The following IGSF9B variants were observed in gnomAD, a reference collection of about 807,000 sequenced individuals.
IGSF9B encodes immunoglobulin superfamily member 9B.
IGSF9B carries 48 observed loss-of-function variants against 143.7 expected under a neutral mutation model. That is an observed-to-expected ratio of 0.33 (90% CI 0.26 to 0.42). IGSF9B has a LOEUF of 0.42. Ranked by LOEUF, IGSF9B falls within the 20% of genes least tolerant of loss-of-function variation. IGSF9B has a pLI of 1.00. For synonymous variants in IGSF9B, 903 were observed against 833.1 expected (o/e 1.08, Z -1.44); for missense variants, 1,706 against 1,980.0 (o/e 0.86, Z 2.63).
At position 133,928,459 on chromosome 11, in the gene IGSF9B, G is replaced by A. The variant is rs1319460642; in HGVS notation, c.1631+1212C>T. Among the ~76,000 whole-genome samples, 3 of 152,156 alleles carry A rather than the reference G, an allele frequency of 2.0e-5. No individual in the cohort carries two copies. In the East Asian group the frequency reaches 5.8e-4, roughly 29 times the overall value. The stretch of plus-strand genomic sequence containing the variant: ...GCGGGTGCCCCTCTCAACTTCCCTC[G>A]CTGCTGAGAAGTGGATAAAGGGGTC... On this transcript the variant is annotated intron_variant, in intron 12 of 19. Transcript: ENST00000533871. The surrounding 1 kb of genome is among the most constrained non-coding windows in gnomAD (Gnocchi z 4.7).
chr11:133,931,224 C>G lies in IGSF9B; in HGVS notation c.1369-90G>C. The G allele has an allele frequency of 7.5e-7, 1 of 1,331,692 alleles. No individual in the cohort carries two copies. Among genetic ancestry groups the G allele is most frequent in the Non-Finnish European group, 1.0e-6 (1 of 957,808 alleles). The allele number at this position is 1,331,692 out of a possible 1,614,324, so 82.5% of individuals were successfully genotyped here. ...GCAGATGGGGAGGACGCGCCTGAGA[C>G]CCCGGCCCGCCCACGCTGCCCTCCT... On this transcript the variant is annotated intron_variant, in intron 10 of 19. Transcript: ENST00000533871. This position sits in a 1 kb window ranked among gnomAD's most constrained non-coding sequence, Gnocchi z 7.7.
At chr11:133,927,222 A>G (rs1939644222) in intron 12 of IGSF9B, 131 bp from the exon 13 acceptor site, 1 of 734,450 alleles carries the variant, frequency 1.4e-6, no homozygotes, top group African/African-American at 1.8e-5. Context: ...AAGGGCAAGA[A>G]GAGGGCATGG....
At chr11:133,951,506 G>A (rs936914990) in intron 1 of IGSF9B, among the ~76,000 whole-genome samples, 18 of 152,256 alleles carry the variant, frequency 1.2e-4, no homozygotes, top group Non-Finnish European at 1.9e-4. Context: ...GAGCCTTCTC[G>A]GCTGGGCTCC....
At chr11:133,915,886 C>G (rs976897374) in intron 18 of IGSF9B, among the ~76,000 whole-genome samples, 11 of 152,180 alleles carry the variant, frequency 7.2e-5, no homozygotes, top group Non-Finnish European at 1.5e-4. Context: ...CACTCATAGA[C>G]GGGCCATAGC....
intron 18 of IGSF9B, among the ~76,000 whole-genome samples, chr11:133,917,013 G>A (rs990576051): frequency 1.6e-4 from 25 of 152,184 alleles, no homozygotes; most frequent in African/African-American, 5.3e-4. Context: ...GTAAAGAAAT[G>A]TCAGGGCAGT....
rs1467204761 is a variant in IGSF9B, at chr11:133,920,106, T to C, written c.3619A>G (p.Ser1207Gly). ...GAGCCGGTGCGGGAGCTGAGGGGGC[T>C]TTGGGTCAGAGGTGAGAGCCGGGAG... ...QPSRLSPLTQSPLSSRTGSPE... is the reference protein window; with the variant it reads ...QPSRLSPLTQGPLSSRTGSPE... Residue 1207 changes from serine to glycine, a missense_variant, in exon 18 of 20, where the codon AGC becomes GGC. By Grantham distance (56) the Ser-to-Gly change is moderately conservative. Coordinates refer to ENST00000533871, the MANE Select transcript of IGSF9B (RefSeq NM_001277285.4). 2 of 1,518,702 alleles carry C rather than the reference T, an allele frequency of 1.3e-6. No homozygotes were observed. The highest frequency in any genetic ancestry group is 1.3e-5 in the South Asian group (1 of 76,072). The allele number at this position is 1,518,702 out of a possible 1,614,324, so 94.1% of individuals were successfully genotyped here.
At position 133,946,145 on chromosome 11, in the gene IGSF9B, C is replaced by T. The variant is rs774253587; in HGVS notation, c.178G>A (p.Val60Ile). Residue 60 changes from valine (V) to isoleucine (I), a missense_variant, in exon 2 of 20, where the codon GTA becomes ATA. This residue lies in a region of IGSF9B where 171 missense variants were observed against 213.9 expected (regional missense o/e 0.80). Coordinates refer to ENST00000533871, the MANE Select transcript of IGSF9B (RefSeq NM_001277285.4). ...GGGACCCCGAACTTGAACCACTCTA[C>T]GACATAGGGTGGGGGCTGTCCCGTC... The part of the protein sequence containing the change: ...PVTGQPPPYV[V>I]EWFKFGVPIP... 33 of 1,612,356 alleles carry T rather than the reference C, an allele frequency of 2.0e-5. No individual in the cohort carries two copies. The highest frequency in any genetic ancestry group is 3.3e-4 in the Middle Eastern group (2 of 6,080).
rs1939154497 is a variant in IGSF9B, at chr11:133,902,537, ATAC to A, written c.*6529_*6531del. Among the ~76,000 whole-genome samples the A allele has an allele frequency of 8.3e-6, 1 of 120,254 alleles. No individual in the cohort carries two copies. The allele number at this position is 120,254 out of a possible 152,430, so 78.9% of individuals were successfully genotyped here. ...ACACAGACATGCACACCACACACAT[ATAC>A]CACACACACCACATACACACACACA... On this transcript the variant is annotated 3_prime_UTR_variant, in exon 20 of 20. Coordinates refer to ENST00000533871, the MANE Select transcript of IGSF9B (RefSeq NM_001277285.4).
chr11:133,940,723 C>G (rs996321537), intron 3 of IGSF9B, among the ~76,000 whole-genome samples: 2 of 150,734 alleles, frequency 1.3e-5, no homozygotes, highest in African/African-American at 2.4e-5. Flanking sequence ...TCCTCGCACG[C>G]GTCATCACAT....
At chr11:133,954,313 C>A (rs1940212819) in intron 1 of IGSF9B, among the ~76,000 whole-genome samples, 5 of 152,212 alleles carry the variant, frequency 3.3e-5, no homozygotes, top group Admixed American at 2.6e-4. Flanking sequence ...GACTTCCGAG[C>A]AGCTTTGAGG....
In IGSF9B at chr11:133,956,887, G is replaced by C; in HGVS notation, c.-133C>G. ...CCCCGCGCCGGTGCTCCTGCAGCCC[G>C]GGTGGCCAGCTCTCCATCCCTCCTA... On this transcript the variant is annotated 5_prime_UTR_variant, in exon 1 of 20. Coordinates refer to ENST00000533871, the MANE Select transcript of IGSF9B (RefSeq NM_001277285.4). 2 of 456,172 alleles carry C rather than the reference G, an allele frequency of 4.4e-6. No homozygotes were observed. The highest frequency in any genetic ancestry group is 7.4e-6 in the Non-Finnish European group (2 of 271,028). 28.3% of individuals were successfully genotyped at this position (456,172 alleles called of 1,614,324 possible). A position where few individuals can be genotyped will look rare whatever the true frequency, so the allele number is the denominator to read the frequency against.
Position 133,905,230 on chromosome 11 carries a change from T to A in IGSF9B, c.*3839A>T, listed in dbSNP as rs1565410608. ...TTAATAAAATGTACTTTATGTACAA[T>A]TCTTCCCCCACCCCACCCCCAAGCC... On this transcript the variant is annotated 3_prime_UTR_variant, in exon 20 of 20. Coordinates refer to ENST00000533871, the MANE Select transcript of IGSF9B (RefSeq NM_001277285.4). The surrounding 1 kb of genome is among the most constrained non-coding windows in gnomAD (Gnocchi z 4.0). Among the ~76,000 whole-genome samples, 1 of 152,068 alleles carries A rather than the reference T, an allele frequency of 6.6e-6. No homozygotes were observed.
chr11:133,912,913 C>G (rs1460906876), intron 18 of IGSF9B, among the ~76,000 whole-genome samples: 1 of 152,166 alleles, frequency 6.6e-6, no homozygotes, highest in Non-Finnish European at 1.5e-5. Context: ...TGAGGCAGCC[C>G]AGGTACACAA....
rs540474696 is a variant in IGSF9B at position 133,951,708 on chromosome 11, A to G, written c.64+4983T>C. On this transcript the variant is annotated intron_variant, in intron 1 of 19. Coordinates refer to ENST00000533871, the MANE Select transcript of IGSF9B (RefSeq NM_001277285.4). ...CCACTGCCCCTCTCCCCACCTGGGCAGAGGCCTGCCCGGCACTCACAGGGC... is the reference window on the plus strand; with the variant it reads ...CCACTGCCCCTCTCCCCACCTGGGCGGAGGCCTGCCCGGCACTCACAGGGC... Among the ~76,000 whole-genome samples, 3 of 152,270 alleles carry G rather than the reference A, an allele frequency of 2.0e-5. No homozygotes were observed. In the East Asian group the frequency reaches 5.8e-4, roughly 29 times the overall value.
intron 3 of IGSF9B, among the ~76,000 whole-genome samples, chr11:133,941,774 G>A (rs1307637990): frequency 1.3e-5 from 2 of 152,116 alleles, no homozygotes; most frequent in East Asian, 1.9e-4. Flanking sequence ...CCCTGAATGC[G>A]CCGCTCTCCT....
At chr11:133,917,468 C>A (rs192959046) in intron 18 of IGSF9B, among the ~76,000 whole-genome samples, 1 of 151,670 alleles carries the variant, frequency 6.6e-6, no homozygotes, top group Non-Finnish European at 1.5e-5. Context: ...CCCCTCCCCT[C>A]GGGGAGGTCC....
intron 1 of IGSF9B, among the ~76,000 whole-genome samples, chr11:133,955,163 G>C (rs1294907779): frequency 1.3e-5 from 2 of 152,174 alleles, no homozygotes; most frequent in Admixed American, 6.5e-5. Flanking sequence ...GGCATTGGAA[G>C]ACGGCAAGGA....
chr11:133,937,069 G>A (rs1340678148), intron 5 of IGSF9B, among the ~76,000 whole-genome samples: 2 of 152,196 alleles, frequency 1.3e-5, no homozygotes, highest in Admixed American at 6.5e-5. Flanking sequence ...CTCCCAGGGA[G>A]GCGGAGACAT....
In IGSF9B at chr11:133,948,077, G is replaced by C. The variant is rs1176441077; in HGVS notation, c.65-1819C>G. On this transcript the variant is annotated intron_variant, in intron 1 of 19. Coordinates refer to ENST00000533871, the MANE Select transcript of IGSF9B (RefSeq NM_001277285.4). The surrounding 1 kb of genome is among the most constrained non-coding windows in gnomAD (Gnocchi z 4.7). ...TGTGCGTGTGTGTGTGTGTGTGTGT[G>C]TGTGTGTGTGTGTCTGTGTGTGTTT... Among the ~76,000 whole-genome samples the C allele has an allele frequency of 6.9e-6, 1 of 144,898 alleles. No individual in the cohort carries two copies. The highest frequency in any genetic ancestry group is 1.6e-5 in the Non-Finnish European group (1 of 64,426).
Sources: gnomAD v4.1 joint callset for allele counts (sites outside exome capture counted in the v4.1 genomes callset) on GRCh38, gnomAD v4.1.1 for gene constraint, gnomAD v4.1.1 regional missense constraint, Gnocchi (gnomAD v3.1) non-coding constraint, MANE v1.5 for transcripts, NCBI Gene and HGNC (gene_info 2026-07-23, HGNC 2026-07-21) for gene names.